RAI1: variants seen among roughly 807,000 people sequenced by gnomAD.
The protein encoded by RAI1 is retinoic acid-induced protein 1.
Under a neutral mutation model 123.8 loss-of-function variants are expected in RAI1, and 9 were observed. That is an observed-to-expected ratio of 0.07 (90% CI 0.04 to 0.13). RAI1 has a LOEUF of 0.13. Ranked by LOEUF, RAI1 falls within the 10% of genes least tolerant of loss-of-function variation. The pLI is 1.00. For synonymous variants in RAI1, 1,231 were observed against 1,127.3 expected (o/e 1.09, Z -1.84); for missense variants, 2,256 against 2,545.8 (o/e 0.89, Z 2.45).
intron 1 of RAI1, among the ~76,000 whole-genome samples, chr17:17,715,486 C>T (rs561085125): frequency 3.9e-5 from 6 of 152,228 alleles, no homozygotes; most frequent in Middle Eastern, 3.2e-3. Flanking sequence ...GCCACCCCCT[C>T]CCATGGTGCA....
At chr17:17,784,740 C>T (rs567857502) in intron 2 of RAI1, among the ~76,000 whole-genome samples, 23 of 152,204 alleles carry the variant, frequency 1.5e-4, no homozygotes, top group Non-Finnish European at 2.2e-4. Flanking sequence ...ATGCAGGCAG[C>T]TAATAGATGG....
chr17:17,717,496 C>T (rs1030025393), intron 1 of RAI1, among the ~76,000 whole-genome samples: 1 of 152,136 alleles, frequency 6.6e-6, no homozygotes, highest in Non-Finnish European at 1.5e-5. Flanking sequence ...GCCTGCCTCT[C>T]AGTGCATTTC....
intron 4 of RAI1, among the ~76,000 whole-genome samples, chr17:17,805,845 G>A (rs560357902): frequency 2.6e-5 from 4 of 152,246 alleles, no homozygotes; most frequent in East Asian, 1.9e-4. Context: ...TAGCTGCCAC[G>A]AGTCACATTC....
chr17:17,754,191 C>CTTTTTTTTTTTT (rs1158475382), intron 2 of RAI1, among the ~76,000 whole-genome samples: 3 of 75,720 alleles, frequency 4.0e-5, no homozygotes, highest in African/African-American at 1.2e-4. Context: ...CTAACCCAAT[C>CTTTTTTTTTTTT]TTTTTTTTTT....
chr17:17,798,313 C>G lies in RAI1; in HGVS notation c.5365C>G (p.Arg1789Gly). The G allele has an allele frequency of 6.3e-7, 1 of 1,596,196 alleles. No homozygotes were observed. The highest frequency in any genetic ancestry group is 8.5e-7 in the Non-Finnish European group (1 of 1,170,832). The change falls in exon 3 of 6, where the codon CGG becomes GGG. Residue 1789 changes from arginine (R) to glycine (G), a missense_variant. By Grantham distance (125) the Arg-to-Gly change is moderately radical. Around this residue, in one of 7 missense-constraint regions of RAI1, gnomAD observed 243 missense variants for 316.6 expected, o/e 0.77. Coordinates refer to ENST00000353383, the MANE Select transcript of RAI1 (RefSeq NM_030665.4). Reference sequence around the variant, plus strand: ...GCAGAGCTGCTACTGCTGTGATGGCCGGGAGGATGGGGGCGAGGAGGCAGC... The same window carrying G: ...GCAGAGCTGCTACTGCTGTGATGGCGGGGAGGATGGGGGCGAGGAGGCAGC... ...RLQSCYCCDGREDGGEEAAPA... is the reference protein window; with the variant it reads ...RLQSCYCCDGGEDGGEEAAPA...
chr17:17,716,092 C>A (rs540448808), intron 1 of RAI1, among the ~76,000 whole-genome samples: 1 of 152,166 alleles, frequency 6.6e-6, no homozygotes, highest in Non-Finnish European at 1.5e-5. Flanking sequence ...AGCCACCAGT[C>A]GGGACAAAGT....
chr17:17,729,042 C>T (rs1916185327), intron 2 of RAI1, among the ~76,000 whole-genome samples: 1 of 152,170 alleles, frequency 6.6e-6, no homozygotes, highest in Non-Finnish European at 1.5e-5. Context: ...ACTCACTAGC[C>T]TGGAGCAGCC....
chr17:17,737,371 T>A (rs905394129), intron 2 of RAI1, among the ~76,000 whole-genome samples: 2 of 152,130 alleles, frequency 1.3e-5, no homozygotes, highest in Admixed American at 1.3e-4. Flanking sequence ...CCTGCTGAGC[T>A]GCAGAGTGGG....
intron 1 of RAI1, chr17:17,684,165 A>AC (rs1167670785): frequency 6.6e-6 from 1 of 151,966 alleles, no homozygotes; most frequent in Non-Finnish European, 1.5e-5. Flanking sequence ...GAGTCACTGC[A>AC]CCCAGCCTTA....
chr17:17,797,946 C>T lies in RAI1; in HGVS notation c.4998C>T (p.Leu1666=), dbSNP rs367680087. The change falls in exon 3 of 6, where the codon CTC becomes CTT. Residue 1666 remains leucine (L), a synonymous_variant. Coordinates refer to ENST00000353383, the MANE Select transcript of RAI1 (RefSeq NM_030665.4). ...TGCAGCCGCGGCCCTCCTTGCCCCT[C>T]TCCTCCACGATGCACTTGGGGCCTG... ...SILQPRPSLP[L]SSTMHLGPVV... is the part of the protein sequence containing the mutation. 1.2e-6 allele frequency: 2 copies of T among 1,613,942 alleles called. No homozygotes were observed. Among genetic ancestry groups the T allele is most frequent in the African/African-American group, 2.7e-5 (2 of 74,900 alleles).
At chr17:17,803,917 G>C (rs1243418734) in intron 4 of RAI1, 68 bp downstream of exon 4, 1 of 1,465,208 alleles carries the variant, frequency 6.8e-7, no homozygotes, top group South Asian at 1.1e-5. Flanking sequence ...ACCCTCCCTG[G>C]GCACAGCTCC....
intron 2 of RAI1, among the ~76,000 whole-genome samples, chr17:17,768,894 G>A (rs1397183307): frequency 1.3e-5 from 2 of 152,250 alleles, no homozygotes; most frequent in Non-Finnish European, 2.9e-5. Context: ...CCTTTCATGA[G>A]GGGGAGAGAG....
intron 3 of RAI1, 118 bp downstream of exon 3, chr17:17,798,631 C>T (rs368480941): frequency 8.0e-6 from 12 of 1,493,298 alleles, no homozygotes; most frequent in African/African-American, 5.5e-5. Flanking sequence ...TCTGCAGTCT[C>T]GGGACAATCT....
intron 1 of RAI1, among the ~76,000 whole-genome samples, chr17:17,700,006 A>G (rs1057028088): frequency 3.3e-5 from 5 of 152,210 alleles, no homozygotes; most frequent in African/African-American, 4.8e-5. Context: ...GCAAGTATCC[A>G]CTACTCCTGG....
At position 17,798,328 on chromosome 17, in the gene RAI1, G is replaced by A. The variant is rs559171909; in HGVS notation, c.5380G>A (p.Glu1794Lys). The change falls in exon 3 of 6, where the codon GAG becomes AAG. Residue 1794 changes from glutamate to lysine, a missense_variant. By Grantham distance (56) the Glu-to-Lys change is moderately conservative. This residue lies in a region of RAI1 where 243 missense variants were observed against 316.6 expected (regional missense o/e 0.77). Transcript: ENST00000353383. ...CTGTGATGGCCGGGAGGATGGGGGC[G>A]AGGAGGCAGCCCCAGCCGACAAGGG... Reference protein sequence around the residue: ...YCCDGREDGGEEAAPADKGRK... With the variant: ...YCCDGREDGGKEAAPADKGRK... The A allele has an allele frequency of 5.6e-6, 9 of 1,599,160 alleles. No homozygotes were observed. Among genetic ancestry groups the A allele is most frequent in the Middle Eastern group, 1.7e-4 (1 of 6,036 alleles).
Position 17,795,643 on chromosome 17 carries a change from T to C in RAI1, c.2695T>C (p.Cys899Arg), listed in dbSNP as rs1433243855. Residue 899 changes from cysteine to arginine, a missense_variant, in exon 3 of 6, where the codon TGC (cysteine) becomes CGC (arginine). Physicochemically the swap from Cys to Arg is radical, Grantham distance 180. This residue lies in a region of RAI1 where 566 missense variants were observed against 616.0 expected (regional missense o/e 0.92). Transcript: ENST00000353383. The surrounding 1 kb of genome is among the most constrained non-coding windows in gnomAD (Gnocchi z 5.9). ...DPLSPKAPLI[C>R]TKEEVEEVLD... ...GCTGTCACCCAAGGCCCCACTCATC[T>C]GCACCAAGGAGGAGGTGGAGGAGGT... 2 of 1,613,294 alleles carry C rather than the reference T, an allele frequency of 1.2e-6. No individual in the cohort carries two copies. Among genetic ancestry groups the C allele is most frequent in the Non-Finnish European group, 1.7e-6 (2 of 1,179,940 alleles).
intron 2 of RAI1, among the ~76,000 whole-genome samples, chr17:17,792,336 C>CGT (rs887795631): frequency 5.9e-5 from 9 of 151,756 alleles, no homozygotes; most frequent in African/African-American, 2.2e-4. Context: ...TGTGTGCGCG[C>CGT]GTGTGTGTGT....
At chr17:17,802,147 G>A (rs750730719) in intron 3 of RAI1, 5 of 470,938 alleles carry the variant, frequency 1.1e-5, no homozygotes, top group Middle Eastern at 3.3e-4. Context: ...TCCTGGCCAC[G>A]TCCACTCCAA....
In RAI1 at chr17:17,797,948, C is replaced by A; in HGVS notation, c.5000C>A (p.Ser1667Tyr). Residue 1667 changes from serine (S) to tyrosine (Y), a missense_variant, in exon 3 of 6, where the codon TCC (serine) becomes TAC (tyrosine). Physicochemically the swap from Ser to Tyr is moderately radical, Grantham distance 144 (BLOSUM62 -2). This residue lies in a region of RAI1 where 410 missense variants were observed against 374.6 expected (regional missense o/e 1.09). Coordinates refer to ENST00000353383, the MANE Select transcript of RAI1 (RefSeq NM_030665.4). ...CAGCCGCGGCCCTCCTTGCCCCTCT[C>A]CTCCACGATGCACTTGGGGCCTGTG... ...ILQPRPSLPL[S>Y]STMHLGPVVS... The A allele has an allele frequency of 6.2e-7, 1 of 1,614,084 alleles. No homozygotes were observed. Among genetic ancestry groups the A allele is most frequent in the South Asian group, 1.1e-5 (1 of 91,084 alleles).
Sources: allele counts gnomAD v4.1 joint callset (sites outside exome capture counted in the v4.1 genomes callset), GRCh38; gene constraint gnomAD v4.1.1; regional missense constraint gnomAD v4.1.1; non-coding constraint Gnocchi (gnomAD v3.1); transcripts MANE v1.5; gene names NCBI Gene and HGNC (gene_info 2026-07-23, HGNC 2026-07-21).